Variants in MEF2A observed in about 807,000 individuals in gnomAD.
MEF2A encodes the protein myocyte enhancer factor 2A.
In MEF2A, 28 loss-of-function variants were observed where a neutral mutation model predicts 55.8. The observed-to-expected ratio is 0.50, with a 90% CI of 0.37 to 0.69. MEF2A has a LOEUF of 0.69. MEF2A is among the 30% of genes least tolerant of loss of function. The pLI, the probability that MEF2A is intolerant of heterozygous loss-of-function variation, is 0.00. For missense variants in MEF2A, 528 were observed against 626.2 expected, an observed-to-expected ratio of 0.84 and a Z score of 1.67; for synonymous variants, 239 against 227.1, an observed-to-expected ratio of 1.05 and a Z score of -0.47.
chr15:99,683,399 G>A lies in MEF2A; in HGVS notation c.671-6842G>A, dbSNP rs1272753437. On this transcript the variant is annotated intron_variant, in intron 7 of 11. Transcript: ENST00000557942. ...AAGAAAAAACCACACTAATCATCTGGAACTCAGAAATTCTTTTGTTTGTTT... is the reference window on the plus strand; with the variant it reads ...AAGAAAAAACCACACTAATCATCTGAAACTCAGAAATTCTTTTGTTTGTTT... 4.6e-5 allele frequency among the ~76,000 whole-genome samples: 7 copies of A among 152,078 alleles called. No homozygotes were observed. In the South Asian group the frequency reaches 6.2e-4, roughly 14 times the overall value.
intron 2 of MEF2A, among the ~76,000 whole-genome samples, chr15:99,602,288 T>A (rs1021479707): frequency 8.5e-5 from 13 of 152,160 alleles, no homozygotes; most frequent in African/African-American, 2.7e-4. Flanking sequence ...CCTTCTGCCC[T>A]GATTCTTCCC....
chr15:99,590,480 A>G (rs1292102880), intron 1 of MEF2A, among the ~76,000 whole-genome samples: 1 of 149,354 alleles, frequency 6.7e-6, no homozygotes, highest in Non-Finnish European at 1.5e-5. Context: ...TAGATAATAT[A>G]TATTTACTGT....
intron 1 of MEF2A, among the ~76,000 whole-genome samples, chr15:99,574,655 AG>A (rs1286301983): frequency 2.0e-5 from 3 of 152,128 alleles, no homozygotes; most frequent in Admixed American, 2.0e-4. Flanking sequence ...TTGATCTGAC[AG>A]GAGGTGGAGC....
chr15:99,683,194 G>A (rs2053562906), intron 7 of MEF2A, among the ~76,000 whole-genome samples: 1 of 152,088 alleles, frequency 6.6e-6, no homozygotes, highest in African/African-American at 2.4e-5. Flanking sequence ...TATGGGGTGT[G>A]GAAAGGATTT....
intron 1 of MEF2A, among the ~76,000 whole-genome samples, chr15:99,574,693 G>C (rs889546877): frequency 1.3e-5 from 2 of 152,202 alleles, no homozygotes; most frequent in Non-Finnish European, 2.9e-5. Flanking sequence ...GCGACGGGGA[G>C]CGGCTGTAAA....
chr15:99,655,158 A>G (rs1224464107), intron 4 of MEF2A, among the ~76,000 whole-genome samples: 1 of 152,156 alleles, frequency 6.6e-6, no homozygotes, highest in African/African-American at 2.4e-5. Flanking sequence ...TGGTATTTGC[A>G]TAGGGATAGG....
At chr15:99,696,299 A>G (rs2056471735) in intron 8 of MEF2A, among the ~76,000 whole-genome samples, 1 of 152,242 alleles carries the variant, frequency 6.6e-6, no homozygotes, top group Admixed American at 6.5e-5. Flanking sequence ...CGACAACAGC[A>G]GAACACACAC....
intron 7 of MEF2A, among the ~76,000 whole-genome samples, chr15:99,684,065 T>C (rs993710628): frequency 5.9e-5 from 9 of 152,212 alleles, no homozygotes; most frequent in African/African-American, 1.9e-4. Context: ...TTAGTAGTAT[T>C]CCATGGTGTA....
At chr15:99,711,292 G>T (rs1048729147) in intron 11 of MEF2A, among the ~76,000 whole-genome samples, 7 of 152,204 alleles carry the variant, frequency 4.6e-5, no homozygotes, top group African/African-American at 9.7e-5. Context: ...TGGGGACAGG[G>T]TGTCTTATAT....
chr15:99,705,736 C>G (rs527849714), intron 9 of MEF2A, among the ~76,000 whole-genome samples: 15 of 152,330 alleles, frequency 9.8e-5, no homozygotes, highest in Middle Eastern at 3.4e-3. Context: ...GAATCACATT[C>G]TAACTCTTCA....
chr15:99,690,089 G>A (rs1474161634), intron 7 of MEF2A, among the ~76,000 whole-genome samples, 152 bp from the exon 8 acceptor site: 2 of 152,168 alleles, frequency 1.3e-5, no homozygotes, highest in Admixed American at 1.3e-4. Context: ...AACACTTCTG[G>A]TCCCAAGCAT....
At chr15:99,625,943 G>C (rs1274627760) in intron 2 of MEF2A, among the ~76,000 whole-genome samples, 1 of 152,010 alleles carries the variant, frequency 6.6e-6, no homozygotes, top group Non-Finnish European at 1.5e-5. Context: ...TTGTATCTTT[G>C]ATTTTGGTAT....
chr15:99,716,144 C>G lies in MEF2A; in HGVS notation c.*3373C>G, dbSNP rs2059130933. ...CTCTGTAGAAACTTTCTTCACTTTG[C>G]TGTGCAAGAAGACACTGCTTTGCTA... On this transcript the variant is annotated 3_prime_UTR_variant, in exon 12 of 12. Transcript: ENST00000557942. 6.3e-6 allele frequency: 1 copy of G among 158,810 alleles called. No homozygotes were observed. The highest frequency in any genetic ancestry group is 2.4e-5 in the African/African-American group (1 of 41,524). The allele number at this position is 158,810 out of a possible 1,614,324, so 9.8% of individuals were successfully genotyped here. A position where few individuals can be genotyped will look rare whatever the true frequency, so the allele number is the denominator to read the frequency against.
chr15:99,697,940 G>A (rs1056706430), intron 8 of MEF2A, among the ~76,000 whole-genome samples: 2 of 152,178 alleles, frequency 1.3e-5, no homozygotes, highest in South Asian at 4.1e-4. Flanking sequence ...ATTCAGCTGG[G>A]TTTTTGGCAG....
At chr15:99,679,023 T>G (rs1233203317) in intron 7 of MEF2A, among the ~76,000 whole-genome samples, 1 of 152,070 alleles carries the variant, frequency 6.6e-6, no homozygotes, top group Admixed American at 6.6e-5. Flanking sequence ...AATGCAAAAT[T>G]AAACCACAAA....
Position 99,582,674 on chromosome 15 carries a change from A to G in MEF2A, c.-224-15756A>G, listed in dbSNP as rs532936872. Reference sequence around the variant, plus strand: ...CGCTTTGCAAAGTCGCTATTCATCTAGCATTTGGACTGAGCTGAGCTTTCG... The same window carrying G: ...CGCTTTGCAAAGTCGCTATTCATCTGGCATTTGGACTGAGCTGAGCTTTCG... On this transcript the variant is annotated intron_variant, in intron 1 of 11. Transcript: ENST00000557942. Among the ~76,000 whole-genome samples the G allele has an allele frequency of 2.6e-4, 39 of 152,210 alleles. No homozygotes were observed. In the South Asian group the frequency reaches 8.1e-3, roughly 32 times the overall value.
At chr15:99,681,152 C>A (rs2053176111) in intron 7 of MEF2A, among the ~76,000 whole-genome samples, 1 of 151,946 alleles carries the variant, frequency 6.6e-6, no homozygotes, top group African/African-American at 2.4e-5. Context: ...TTTAAAAACA[C>A]GTTGAGAAAG....
chr15:99,619,731 G>A (rs2040815381), intron 2 of MEF2A, among the ~76,000 whole-genome samples: 1 of 152,134 alleles, frequency 6.6e-6, no homozygotes, highest in Non-Finnish European at 1.5e-5. Flanking sequence ...CAAATGTGTG[G>A]TATTTTATTC....
chr15:99,572,211 C>T (rs1428848233), intron 1 of MEF2A, among the ~76,000 whole-genome samples: 1 of 152,128 alleles, frequency 6.6e-6, no homozygotes, highest in East Asian at 1.9e-4. Flanking sequence ...CATCACATGT[C>T]AGCCACGAAG....
Sources: allele counts gnomAD v4.1 joint callset (sites outside exome capture counted in the v4.1 genomes callset), GRCh38; gene constraint gnomAD v4.1.1; transcripts MANE v1.5; gene names NCBI Gene and HGNC (gene_info 2026-07-23, HGNC 2026-07-21).